The following PCDH11Y variants were observed in gnomAD, a reference collection of about 807,000 sequenced individuals.
PCDH11Y encodes protocadherin 11 Y-linked, also known as protocadherin-11 Y-linked.
For missense variants in PCDH11Y, 12 were observed against 224.8 expected (o/e 0.05, Z 6.05); for synonymous variants, 9 against 83.6 (o/e 0.11, Z 4.87).
At chrY:5,633,462 A>G in intron 4 of PCDH11Y, among the ~76,000 whole-genome samples, 2 of 29,114 alleles carry the variant, frequency 6.9e-5, no homozygotes, top group Non-Finnish European at 1.6e-4. Flanking sequence ...TTTCCAAAGC[A>G]GCTGTGCCAT....
intron 4 of PCDH11Y, among the ~76,000 whole-genome samples, chrY:5,602,651 A>G: frequency 3.2e-5 from 1 of 30,964 alleles, no homozygotes; most frequent in Non-Finnish European, 7.8e-5. Flanking sequence ...TTCTGCATGT[A>G]TCCCTACTCC....
At chrY:5,073,504 T>G in intron 1 of PCDH11Y, among the ~76,000 whole-genome samples, 1 of 28,726 alleles carries the variant, frequency 3.5e-5, no homozygotes, top group African/African-American at 1.4e-4. Flanking sequence ...TGGCACGATC[T>G]CGGCTCACTA....
intron 3 of PCDH11Y, among the ~76,000 whole-genome samples, chrY:5,046,355 G>A: frequency 3.0e-5 from 1 of 33,357 alleles, no homozygotes; most frequent in African/African-American, 1.2e-4. Context: ...CTGCAGATCT[G>A]TTGGAGTACC....
At chrY:5,634,969 CAAT>C (rs2053516677) in intron 4 of PCDH11Y, among the ~76,000 whole-genome samples, 1 of 31,398 alleles carries the variant, frequency 3.2e-5, no homozygotes, top group African/African-American at 1.3e-4. Context: ...TGTACAATAG[CAAT>C]AATAATAATA....
At chrY:5,033,897 C>T (rs2052594709) in intron 3 of PCDH11Y, among the ~76,000 whole-genome samples, 5 of 32,623 alleles carry the variant, frequency 1.5e-4, no homozygotes, top group Non-Finnish European at 3.8e-4. Context: ...CCTCCCTGTA[C>T]CTTTCATTCC....
At chrY:5,512,470 T>C in intron 3 of PCDH11Y, among the ~76,000 whole-genome samples, 1 of 23,008 alleles carries the variant, frequency 4.3e-5, no homozygotes, top group African/African-American at 3.5e-4. Flanking sequence ...AGAGCCAGAC[T>C]CCATGTCAAA....
intron 4 of PCDH11Y, among the ~76,000 whole-genome samples, chrY:5,693,041 A>C: frequency 9.5e-5 from 3 of 31,511 alleles, no homozygotes. Context: ...CTAAAATTGA[A>C]CATTCCCTAT....
chrY:5,133,993 G>A (rs2124641451), intron 2 of PCDH11Y, among the ~76,000 whole-genome samples: 1 of 32,748 alleles, frequency 3.1e-5, no homozygotes, highest in East Asian at 8.1e-4. Context: ...CATGAACATG[G>A]AGTATTTTTC....
chrY:5,132,633 T>C, intron 2 of PCDH11Y, among the ~76,000 whole-genome samples: 4 of 32,494 alleles, frequency 1.2e-4, no homozygotes, highest in African/African-American at 4.8e-4. Context: ...TTACATCCTT[T>C]TGTTTGTTGA....
In PCDH11Y at chrY:5,423,375, T is replaced by C. The variant is rs2124679724; in HGVS notation, c.3130-77682T>C. On this transcript the variant is annotated intron_variant, in intron 2 of 4. Transcript: ENST00000400457. ...GTGAAACTGAGATAATGAATAGTTCTTCAAATAATTAAACAGAACTGACAT... is the reference window on the plus strand; with the variant it reads ...GTGAAACTGAGATAATGAATAGTTCCTCAAATAATTAAACAGAACTGACAT... 8.9e-5 allele frequency among the ~76,000 whole-genome samples: 3 copies of C among 33,661 alleles called. No homozygotes were observed. The South Asian group carries it at 2.0e-3, about 22-fold the overall frequency. The allele number at this position is 33,661 out of a possible 37,273, so 90.3% of individuals were successfully genotyped here.
intron 2 of PCDH11Y, among the ~76,000 whole-genome samples, chrY:5,323,626 T>A: frequency 5.8e-5 from 2 of 34,305 alleles, no homozygotes; most frequent in Non-Finnish European, 1.5e-4. Flanking sequence ...ATAACTATTT[T>A]ACCAAAACAT....
At chrY:5,543,427 A>T (rs2053409826) in intron 3 of PCDH11Y, among the ~76,000 whole-genome samples, 4 of 34,643 alleles carry the variant, frequency 1.2e-4, no homozygotes, top group African/African-American at 4.5e-4. Context: ...AATTAATACT[A>T]TGCAATTTCC....
chrY:5,488,695 G>C, intron 2 of PCDH11Y, among the ~76,000 whole-genome samples: 1 of 33,307 alleles, frequency 3.0e-5, no homozygotes, highest in Non-Finnish European at 7.5e-5. Context: ...GACAACACTA[G>C]TCTTTTAAAA....
intron 2 of PCDH11Y, among the ~76,000 whole-genome samples, chrY:5,254,481 C>T (rs2053007679): frequency 9.0e-5 from 3 of 33,322 alleles, no homozygotes; most frequent in South Asian, 6.6e-4. Context: ...GCCAATAAGA[C>T]GCAAAGAGAA....
chrY:5,170,292 A>C, intron 2 of PCDH11Y, among the ~76,000 whole-genome samples: 1 of 28,263 alleles, frequency 3.5e-5, no homozygotes, highest in African/African-American at 1.4e-4. Flanking sequence ...ACTATTCAAA[A>C]TTCGTCCATA....
At chrY:5,566,328 G>T (rs2053435106) in intron 3 of PCDH11Y, among the ~76,000 whole-genome samples, 2 of 32,025 alleles carry the variant, frequency 6.2e-5, no homozygotes, top group Non-Finnish European at 1.5e-4. Flanking sequence ...GGAGTATTTG[G>T]GTCTTTCTTC....
chrY:5,330,181 C>T (rs1602905791), intron 2 of PCDH11Y, among the ~76,000 whole-genome samples: 2 of 31,667 alleles, frequency 6.3e-5, no homozygotes, highest in Admixed American at 2.9e-4. Context: ...GAGTGGGGGT[C>T]GCAAGGTGCT....
intron 2 of PCDH11Y, among the ~76,000 whole-genome samples, chrY:5,159,388 T>C: frequency 6.3e-5 from 2 of 31,672 alleles, no homozygotes; most frequent in African/African-American, 1.2e-4. Context: ...AAAGTCTAGA[T>C]ATTATAAGCG....
chrY:5,359,782 T>G, intron 2 of PCDH11Y, among the ~76,000 whole-genome samples: 1 of 33,046 alleles, frequency 3.0e-5, no homozygotes, highest in African/African-American at 1.2e-4. Context: ...TTTAATGCAT[T>G]TTATAGTGGA....
Sources: allele counts gnomAD v4.1 joint callset (sites outside exome capture counted in the v4.1 genomes callset), GRCh38; gene constraint gnomAD v4.1.1; transcripts MANE v1.5; gene names NCBI Gene and HGNC (gene_info 2026-07-23, HGNC 2026-07-21).